The following ZC3HAV1 variants were observed in gnomAD, a reference collection of about 807,000 sequenced individuals.
ZC3HAV1 encodes the protein zinc finger CCCH-type antiviral protein 1.
A neutral mutation model predicts 86.6 loss-of-function variants in ZC3HAV1; 41 were observed. The ratio of observed to expected loss-of-function variants is 0.47; its 90% CI spans 0.37 to 0.61. ZC3HAV1 has a LOEUF of 0.61. Among genes scored for constraint, ZC3HAV1 ranks in the 20% least tolerant of loss-of-function variants. The pLI is 0.00. For missense variants in ZC3HAV1, 964 were observed against 1,141.1 expected, an observed-to-expected ratio of 0.84 and a Z score of 2.24; for synonymous variants, 421 against 432.1, an observed-to-expected ratio of 0.97 and a Z score of 0.32.
intron 3 of ZC3HAV1, among the ~76,000 whole-genome samples, chr7:139,080,744 T>C (rs1025603348): frequency 2.0e-5 from 3 of 152,196 alleles, no homozygotes; most frequent in African/African-American, 7.2e-5. Context: ...TAGGTGGGGC[T>C]GTCCACTATC....
At chr7:139,103,031 A>G (rs1340522552) in intron 1 of ZC3HAV1, among the ~76,000 whole-genome samples, 1 of 150,138 alleles carries the variant, frequency 6.7e-6, no homozygotes, top group Admixed American at 6.6e-5. Flanking sequence ...CAAAAACTTT[A>G]AAATTTGTTG....
chr7:139,077,524 G>A (rs756290766), intron 5 of ZC3HAV1, among the ~76,000 whole-genome samples: 24 of 152,174 alleles, frequency 1.6e-4, no homozygotes, highest in Non-Finnish European at 2.4e-4. Context: ...GATTACAGGC[G>A]TAAGCCACCA....
intron 2 of ZC3HAV1, among the ~76,000 whole-genome samples, chr7:139,089,101 CAAAAAAAAAAAAAAAAA>C (rs1195760878): frequency 4.8e-5 from 1 of 20,688 alleles, no homozygotes; most frequent in Non-Finnish European, 9.2e-5. Context: ...GACTCCATCT[CAAAAAAAAAAAAAAAAA>C]AAAAAAAAAA....
At chr7:139,096,741 T>C (rs972752841) in intron 1 of ZC3HAV1, among the ~76,000 whole-genome samples, 13 of 152,230 alleles carry the variant, frequency 8.5e-5, no homozygotes, top group African/African-American at 3.1e-4. Context: ...CATAAAACTC[T>C]GCATTTGCAG....
chr7:139,047,284 G>A lies in ZC3HAV1; in HGVS notation c.*310C>T, dbSNP rs143638357. On this transcript the variant is annotated 3_prime_UTR_variant, in exon 13 of 13. Transcript: ENST00000242351. ...GCAGAGGTTGCAGTGAGCCGAGATC[G>A]CGCCACTGCACTCCAGCCTGGACGA... is the stretch of plus-strand genomic sequence containing the variant. 371 of 285,830 alleles carry A rather than the reference G, an allele frequency of 1.3e-3. 7 individuals carry two copies. In the East Asian group the frequency reaches 0.032, roughly 25 times the overall value. 17.7% of individuals were successfully genotyped at this position (285,830 alleles called of 1,614,324 possible). A position where few individuals can be genotyped will look rare whatever the true frequency, so the allele number is the denominator to read the frequency against.
intron 9 of ZC3HAV1, among the ~76,000 whole-genome samples, chr7:139,057,843 A>T (rs943863938): frequency 6.6e-6 from 1 of 151,996 alleles, no homozygotes; most frequent in Non-Finnish European, 1.5e-5. Flanking sequence ...CCCGGCCAAC[A>T]ATTACATTTT....
intron 2 of ZC3HAV1, among the ~76,000 whole-genome samples, chr7:139,088,207 C>G (rs1260336091): frequency 6.6e-6 from 1 of 152,062 alleles, no homozygotes; most frequent in Non-Finnish European, 1.5e-5. Context: ...CAGGCTTAAA[C>G]AGTATTCTCT....
chr7:139,056,596 C>T (rs1200053831), intron 9 of ZC3HAV1, among the ~76,000 whole-genome samples: 1 of 151,740 alleles, frequency 6.6e-6, no homozygotes, highest in African/African-American at 2.4e-5. Context: ...GAGATGGGGT[C>T]TCAACTCACC....
intron 1 of ZC3HAV1, among the ~76,000 whole-genome samples, chr7:139,097,093 G>A (rs374242695): frequency 4.0e-5 from 6 of 151,754 alleles, no homozygotes; most frequent in East Asian, 1.9e-4. Flanking sequence ...AGCAGAGATC[G>A]TGCCACTGCA....
Position 139,109,411 on chromosome 7 carries a change from A to G in ZC3HAV1, c.-80T>C, listed in dbSNP as rs1818043074. 6 of 1,437,514 alleles carry G rather than the reference A, an allele frequency of 4.2e-6. No individual in the cohort carries two copies. Among genetic ancestry groups the G allele is most frequent in the Non-Finnish European group, 5.5e-6 (6 of 1,097,674 alleles). The allele number at this position is 1,437,514 out of a possible 1,614,324, so 89.0% of individuals were successfully genotyped here. On this transcript the variant is annotated 5_prime_UTR_variant, in exon 1 of 13. Coordinates refer to ENST00000242351, the MANE Select transcript of ZC3HAV1 (RefSeq NM_020119.4). ...CGGAAATCGAAACTTACAAGTGTCC[A>G]GGGGCGGGCGCGGGCGGTGCTACTG...
chr7:139,058,455 A>G (rs1046803570), intron 9 of ZC3HAV1, among the ~76,000 whole-genome samples: 5 of 64,046 alleles, frequency 7.8e-5, no homozygotes, highest in African/African-American at 3.3e-4. Context: ...CCCCCCCCCC[A>G]CAAAAAAACA....
In ZC3HAV1 at chr7:139,073,972, T is replaced by C; in HGVS notation, c.1756A>G (p.Ile586Val). The change falls in exon 7 of 13, where the codon ATC (isoleucine) becomes GTC (valine). Residue 586 changes from isoleucine to valine, a missense_variant. Coordinates refer to ENST00000242351, the MANE Select transcript of ZC3HAV1 (RefSeq NM_020119.4). ...GAAGAAGGAGTGGAGAGGCGTCGGA[T>C]GGGAAAGGAATCACAACTCATTACC... is the stretch of plus-strand genomic sequence containing the variant. ...FRVMSCDSFP[I>V]RRLSTPSSVT... The C allele has an allele frequency of 2.5e-6, 4 of 1,614,020 alleles. No individual in the cohort carries two copies. Among genetic ancestry groups the C allele is most frequent in the Non-Finnish European group, 3.4e-6 (4 of 1,179,902 alleles).
chr7:139,089,720 C>G lies in ZC3HAV1; in HGVS notation c.348G>C (p.Glu116Asp), dbSNP rs751318114. 6.2e-7 allele frequency: 1 copy of G among 1,612,848 alleles called. No homozygotes were observed. Among genetic ancestry groups the G allele is most frequent in the Admixed American group, 1.7e-5 (1 of 59,742 alleles). The change falls in exon 2 of 13, where the codon GAG (glutamate) becomes GAC (aspartate). Residue 116 changes from glutamate (E) to aspartate (D), a missense_variant. Coordinates refer to ENST00000242351, the MANE Select transcript of ZC3HAV1 (RefSeq NM_020119.4). ...CGTGATTTTTCAGGACTTTGAAGTT[C>G]TCTTCTGAGAGAACCTCATGAGAAT... ...CKYSHEVLSE[E>D]NFKVLKNHEL...
intron 6 of ZC3HAV1, among the ~76,000 whole-genome samples, chr7:139,075,152 T>C (rs1316186314): frequency 6.6e-6 from 1 of 152,138 alleles, no homozygotes; most frequent in Non-Finnish European, 1.5e-5. Context: ...AAAACGTCAG[T>C]AGTGCTGAGG....
At chr7:139,106,273 C>T (rs1227794519) in intron 1 of ZC3HAV1, among the ~76,000 whole-genome samples, 1 of 152,140 alleles carries the variant, frequency 6.6e-6, no homozygotes, top group Non-Finnish European at 1.5e-5. Context: ...TTGCCTACAA[C>T]AAATTGAAAC....
intron 7 of ZC3HAV1, among the ~76,000 whole-genome samples, chr7:139,069,728 G>A (rs766657579): frequency 2.6e-5 from 4 of 152,150 alleles, no homozygotes; most frequent in Admixed American, 6.5e-5. Context: ...TTACCTCCCT[G>A]AGAGCTCATA....
intron 2 of ZC3HAV1, among the ~76,000 whole-genome samples, chr7:139,088,993 T>C (rs1274259873): frequency 1.3e-5 from 2 of 150,892 alleles, no homozygotes; most frequent in Non-Finnish European, 2.9e-5. Flanking sequence ...TCCCTGCTAC[T>C]TGGGAGGCTG....
At chr7:139,052,674 G>A (rs1816167903) in intron 12 of ZC3HAV1, among the ~76,000 whole-genome samples, 2 of 149,942 alleles carry the variant, frequency 1.3e-5, no homozygotes, top group Admixed American at 1.3e-4. Context: ...TGAAATCCCA[G>A]CACTTTGGCA....
chr7:139,094,948 C>T (rs1021500024), intron 1 of ZC3HAV1, among the ~76,000 whole-genome samples: 3 of 151,186 alleles, frequency 2.0e-5, no homozygotes, highest in African/African-American at 7.3e-5. Flanking sequence ...CTGAACTCAA[C>T]AGTCAGACCA....
Sources: allele counts gnomAD v4.1 joint callset (sites outside exome capture counted in the v4.1 genomes callset), GRCh38; gene constraint gnomAD v4.1.1; transcripts MANE v1.5; gene names NCBI Gene and HGNC (gene_info 2026-07-23, HGNC 2026-07-21).